Variants in GNL3L observed in about 807,000 individuals in gnomAD.
GNL3L encodes G protein nucleolar 3 like.
A neutral mutation model predicts 42.9 loss-of-function variants in GNL3L; 4 were observed. The ratio of observed to expected loss-of-function variants is 0.09; its 90% confidence interval spans 0.05 to 0.21. GNL3L has a LOEUF of 0.21. Ranked by LOEUF, GNL3L falls within the 10% of genes least tolerant of loss-of-function variation. GNL3L has a pLI of 1.00. For synonymous variants in GNL3L, 159 were observed against 176.3 expected, an observed-to-expected ratio of 0.90 and a Z score of 0.78; for missense variants, 412 against 481.7, an observed-to-expected ratio of 0.86 and a Z score of 1.36.
chrX:54,550,069 GAGAC>G (rs1924888071), intron 9 of GNL3L, among the ~76,000 whole-genome samples: 1 of 110,016 alleles, frequency 9.1e-6, no homozygotes, highest in South Asian at 4.0e-4. Context: ...GCCAGAATGA[GAGAC>G]AGACAAATTG....
rs1490458999 is a variant in GNL3L, at chrX:54,556,910, G to A, written c.1447-1526G>A. On this transcript the variant is annotated intron_variant, in intron 14 of 15. Transcript: ENST00000360845. ...GAAGATGGAACCGAGGCCGGGCGCG[G>A]TGGCTCATGCCTGTAATCCCAGCAC... Among the ~76,000 whole-genome samples, 4 of 111,083 alleles carry A rather than the reference G, an allele frequency of 3.6e-5. No homozygotes were observed. The East Asian group carries it at 8.7e-4, about 24-fold the overall frequency.
chrX:54,630,774 C>CTCTT, the GNL3L span, among the ~76,000 whole-genome samples: 2,345 of 89,733 alleles, frequency 0.026, 96 homozygotes, highest in African/African-American at 0.088. Flanking sequence ...TTCTTTCTTT[C>CTCTT]TCTTTCTTTC....
intron 16 of GNL3L, among the ~76,000 whole-genome samples, chrX:54,579,444 C>G (rs1398398278): frequency 8.9e-6 from 1 of 112,062 alleles, no homozygotes; most frequent in Non-Finnish European, 1.9e-5. Context: ...CTTTGCCGCC[C>G]AGGCTGGAGT....
intron 15 of GNL3L, among the ~76,000 whole-genome samples, chrX:54,559,631 G>C (rs1052529351): frequency 9.0e-6 from 1 of 111,472 alleles, no homozygotes; most frequent in East Asian, 2.8e-4. Context: ...GGCCCATTTG[G>C]GTTTCCATGC....
chrX:54,558,491 C>T lies in GNL3L; in HGVS notation c.1502C>T (p.Ala501Val). ...CCGAACCGTCATCAGATGGGGTGGG[C>T]TAAACGCAATGTGGACCACCGCCCT... ...TNPNRHQMGW[A>V]KRNVDHRPKS... The change falls in exon 15 of 16, where the codon GCT becomes GTT. Residue 501 changes from alanine to valine, a missense_variant. Transcript: ENST00000360845. 1 of 1,209,258 alleles carries T rather than the reference C, an allele frequency of 8.3e-7. No individual in the cohort carries two copies. The highest frequency in any genetic ancestry group is 1.1e-6 in the Non-Finnish European group (1 of 893,465).
downstream of GNL3L, among the ~76,000 whole-genome samples, chrX:54,625,293 T>G (rs1317367218): frequency 3.4e-5 from 3 of 87,377 alleles, no homozygotes; most frequent in African/African-American, 1.7e-4. Context: ...TGTTTTGTTT[T>G]TTTTTTTTTT....
intron 9 of GNL3L, among the ~76,000 whole-genome samples, chrX:54,549,336 A>T (rs1240135775): frequency 9.0e-6 from 1 of 111,177 alleles, no homozygotes; most frequent in East Asian, 2.8e-4. Context: ...CCACAGTCAA[A>T]ATGCATGTAG....
At chrX:54,569,906 T>C (rs1056864764), downstream of GNL3L, among the ~76,000 whole-genome samples, 3 of 112,326 alleles carry the variant, frequency 2.7e-5, no homozygotes, top group Non-Finnish European at 5.6e-5. Context: ...AATTACATTA[T>C]GGTAAAGGAA....
At chrX:54,569,376 G>A (rs1353746125), downstream of GNL3L, among the ~76,000 whole-genome samples, 1 of 110,846 alleles carries the variant, frequency 9.0e-6, no homozygotes, top group Non-Finnish European at 1.9e-5. Context: ...ATATATATAG[G>A]GCTATTCAGG....
At chrX:54,636,492 A>G in the GNL3L span, among the ~76,000 whole-genome samples, 1 of 111,405 alleles carries the variant, frequency 9.0e-6, no homozygotes, top group African/African-American at 3.3e-5. Flanking sequence ...TGAGCATAGT[A>G]TACAATAGGT....
intron 2 of GNL3L, among the ~76,000 whole-genome samples, chrX:54,535,050 A>G (rs1231288699): frequency 8.9e-6 from 1 of 112,129 alleles, no homozygotes; most frequent in Admixed American, 9.6e-5. Flanking sequence ...AACTGTGTTT[A>G]TTTAAATTCG....
rs753183129 is a variant in GNL3L, at chrX:54,541,307, G to A, written c.224G>A (p.Arg75Gln). 2.5e-6 allele frequency: 3 copies of A among 1,207,542 alleles called. No homozygotes were observed. The highest frequency in any genetic ancestry group is 1.8e-5 in the South Asian group (1 of 56,738). ...EEMREKQQAA[R>Q]EQERQKRRTI... ...ATGAGGGAGAAGCAGCAAGCCGCCC[G>A]GGAGCAAGAAAGACAAAAACGCAGG... The change falls in exon 5 of 16, where the codon CGG (arginine) becomes CAG (glutamine). Residue 75 changes from arginine (R) to glutamine (Q), a missense_variant. Physicochemically the swap from Arg to Gln is conservative, Grantham distance 43 (BLOSUM62 1). Coordinates refer to ENST00000360845, the MANE Select transcript of GNL3L (RefSeq NM_001184819.2).
chrX:54,591,069 A>G (rs1360954343), intron 16 of GNL3L, among the ~76,000 whole-genome samples: 3 of 110,406 alleles, frequency 2.7e-5, no homozygotes, highest in Non-Finnish European at 5.7e-5. Flanking sequence ...GACCTCAGGT[A>G]ATCCACCTGC....
chrX:54,551,876 C>G lies in GNL3L; in HGVS notation c.1083C>G (p.His361Gln). ...YGVSGFQTTE[H>Q]FLTAVAHRLG... ...TCTCTGGGTTCCAGACCACTGAGCA[C>G]TTTCTGACGGCAGTGGCCCACCGTT... The change falls in exon 12 of 16, where the codon CAC (histidine) becomes CAG (glutamine). Residue 361 changes from histidine to glutamine, a missense_variant. His to Gln is a conservative substitution (Grantham distance 24, BLOSUM62 0). Transcript: ENST00000360845. 1 of 1,211,082 alleles carries G rather than the reference C, an allele frequency of 8.3e-7. No individual in the cohort carries two copies. The highest frequency in any genetic ancestry group is 3.0e-5 in the East Asian group (1 of 33,835).
Position 54,564,553 on chromosome X carries a change from G to A in GNL3L, c.*3951G>A, listed in dbSNP as rs1270004978. Among the ~76,000 whole-genome samples the A allele has an allele frequency of 9.6e-6, 1 of 104,607 alleles. No individual in the cohort carries two copies. Among genetic ancestry groups the A allele is most frequent in the African/African-American group, 3.5e-5 (1 of 28,517 alleles). The allele number at this position is 104,607 out of a possible 115,157, so 90.8% of individuals were successfully genotyped here. A position where few individuals can be genotyped will look rare whatever the true frequency, so the allele number is the denominator to read the frequency against. ...CTCCCGAGTAGCTGGGATTATGGGC[G>A]CCCGCCACCACGCCCAGCTAATTTT... is the stretch of plus-strand genomic sequence containing the variant. On this transcript the variant is annotated 3_prime_UTR_variant, in exon 16 of 16. Coordinates refer to ENST00000360845, the MANE Select transcript of GNL3L (RefSeq NM_001184819.2).
In GNL3L at chrX:54,551,849, C is replaced by T. The variant is rs200528914; in HGVS notation, c.1056C>T (p.Gly352=). 9.9e-6 allele frequency: 12 copies of T among 1,210,012 alleles called. No individual in the cohort carries two copies. In the Admixed American group the frequency reaches 1.1e-4, roughly 11 times the overall value. ...CNLEEISNYY[G]VSGFQTTEHF... ...TTCACCAGATTTCCAACTATTATGG[C>T]GTCTCTGGGTTCCAGACCACTGAGC... The change falls in exon 12 of 16, where the codon GGC becomes GGT. Residue 352 remains glycine, a synonymous_variant. Coordinates refer to ENST00000360845, the MANE Select transcript of GNL3L (RefSeq NM_001184819.2).
At chrX:54,579,099 T>C (rs1225050996) in intron 16 of GNL3L, among the ~76,000 whole-genome samples, 2 of 112,268 alleles carry the variant, frequency 1.8e-5, no homozygotes, top group Non-Finnish European at 3.8e-5. Flanking sequence ...GTGAATTATT[T>C]ATATATTCTA....
At chrX:54,567,968 CTTTT>C (rs537874465), downstream of GNL3L, among the ~76,000 whole-genome samples, 2 of 95,078 alleles carry the variant, frequency 2.1e-5, no homozygotes, top group Non-Finnish European at 2.1e-5. Flanking sequence ...ATGTATTATT[CTTTT>C]TTTTTTTTTT....
intron 16 of GNL3L, among the ~76,000 whole-genome samples, chrX:54,595,657 C>A (rs1013042383): frequency 1.8e-5 from 2 of 111,619 alleles, no homozygotes; most frequent in African/African-American, 6.5e-5. Flanking sequence ...TCTTTAAGGC[C>A]AATAACTCTT....
Sources: allele counts gnomAD v4.1 joint callset (sites outside exome capture counted in the v4.1 genomes callset), GRCh38; gene constraint gnomAD v4.1.1; transcripts MANE v1.5; gene names NCBI Gene and HGNC (gene_info 2026-07-23, HGNC 2026-07-21).